SLC30A10: variants seen among roughly 807,000 people sequenced by gnomAD.
The protein encoded by SLC30A10 is calcium/manganese antiporter SLC30A10.
Under a neutral mutation model 21.7 loss-of-function variants are expected in SLC30A10, and 8 were observed. The observed-to-expected ratio is 0.37, with a 90% confidence interval of 0.22 to 0.67. SLC30A10 has a LOEUF of 0.67. Among genes scored for constraint, SLC30A10 ranks in the 30% least tolerant of loss-of-function variants. SLC30A10 has a pLI of 0.58. For synonymous variants in SLC30A10, 272 were observed against 279.4 expected (o/e 0.97, Z 0.26); for missense variants, 521 against 642.5 (o/e 0.81, Z 2.04).
chr1:219,926,953 G>T, intron 2 of SLC30A10, 75 bp downstream of exon 2: 1 of 1,242,852 alleles, frequency 8.0e-7, no homozygotes, highest in Non-Finnish European at 1.2e-6. Flanking sequence ...CTTATTAAAA[G>T]TCAAACAGAA....
chr1:219,941,903 A>G (rs1166250010), intron 1 of SLC30A10, among the ~76,000 whole-genome samples: 1 of 152,146 alleles, frequency 6.6e-6, no homozygotes, highest in Non-Finnish European at 1.5e-5. Flanking sequence ...GCCATAATCG[A>G]TCTCCTGTTG....
chr1:219,932,930 G>A (rs754768827), upstream of SLC30A10, among the ~76,000 whole-genome samples: 10 of 150,366 alleles, frequency 6.7e-5, no homozygotes, highest in African/African-American at 1.5e-4. Flanking sequence ...GCGTGGTGGC[G>A]CACGCCTGTA....
At chr1:219,940,155 C>A (rs986498007) in intron 1 of SLC30A10, among the ~76,000 whole-genome samples, 3 of 152,206 alleles carry the variant, frequency 2.0e-5, no homozygotes, top group Non-Finnish European at 4.4e-5. Context: ...GGAGCTTCTA[C>A]CTTGTTTGAT....
intron 1 of SLC30A10, among the ~76,000 whole-genome samples, chr1:219,934,027 A>T (rs1660007536): frequency 6.6e-6 from 1 of 152,112 alleles, no homozygotes; most frequent in Non-Finnish European, 1.5e-5. Flanking sequence ...GGTGGCTCAC[A>T]TCTGTAATCC....
chr1:219,927,638 T>TAAAAAAAAAAAA (rs77015523), intron 1 of SLC30A10, among the ~76,000 whole-genome samples, 163 bp downstream of exon 1: 2 of 53,404 alleles, frequency 3.7e-5, no homozygotes, highest in Non-Finnish European at 7.4e-5. Flanking sequence ...ATGGATTTAT[T>TAAAAAAAAAAAA]AAAAAAAAAA....
Position 219,928,542 on chromosome 1 carries a change from A to G in SLC30A10, c.-102T>C. The G allele has an allele frequency of 1.8e-6, 2 of 1,096,770 alleles. No homozygotes were observed. Among genetic ancestry groups the G allele is most frequent in the East Asian group, 3.3e-5 (1 of 30,178 alleles). The allele number at this position is 1,096,770 out of a possible 1,614,324, so 67.9% of individuals were successfully genotyped here. A position where few individuals can be genotyped will look rare whatever the true frequency, so the allele number is the denominator to read the frequency against. On this transcript the variant is annotated 5_prime_UTR_variant, in exon 1 of 4. Transcript: ENST00000366926. The surrounding 1 kb of genome is among the most constrained non-coding windows in gnomAD (Gnocchi z 6.3). ...GCGGCGCGGATCCGTGAGGCCCGGT[A>G]CCCGCCTCCCAGATTGTCTCGCCGG...
chr1:219,927,145 T>TAAAA, intron 1 of SLC30A10, 40 bp from the exon 2 acceptor site: 2 of 1,605,692 alleles, frequency 1.2e-6, no homozygotes, highest in African/African-American at 1.3e-5. Context: ...GTATAAGTTC[T>TAAAA]ACAAACAAAC....
intron 1 of SLC30A10, among the ~76,000 whole-genome samples, chr1:219,953,801 G>GGTTC (rs1660306572): frequency 6.6e-6 from 1 of 151,350 alleles, no homozygotes; most frequent in Admixed American, 6.6e-5. Flanking sequence ...CCACCTCCTG[G>GGTTC]GTTCACACCA....
upstream of SLC30A10, among the ~76,000 whole-genome samples, chr1:219,932,800 G>A (rs988046243): frequency 7.1e-6 from 1 of 141,840 alleles, no homozygotes; most frequent in African/African-American, 2.6e-5. Context: ...GGTGGCTCAC[G>A]CCTGTAATCC....
upstream of SLC30A10, among the ~76,000 whole-genome samples, chr1:219,931,738 C>A (rs2102538275): frequency 6.6e-6 from 1 of 152,298 alleles, no homozygotes; most frequent in East Asian, 1.9e-4. Context: ...GCCTTGACCT[C>A]CTAAAGTGCT....
intron 1 of SLC30A10, among the ~76,000 whole-genome samples, chr1:219,948,373 T>C (rs1046558008): frequency 6.6e-6 from 1 of 151,968 alleles, no homozygotes; most frequent in Non-Finnish European, 1.5e-5. Flanking sequence ...ACTACAAGGC[T>C]ACAGTAACCA....
rs1659507044 is a variant in SLC30A10, at chr1:219,915,355, AG to A, written c.*93del. ...CACAGAGCATGCATGCTGCAAGTCT[AG>A]TCTGGGCCTACAACCCAGAAAGCTC... On this transcript the variant is annotated 3_prime_UTR_variant, in exon 4 of 4. Transcript: ENST00000366926. 6.9e-7 allele frequency: 1 copy of A among 1,449,054 alleles called. No individual in the cohort carries two copies. The highest frequency in any genetic ancestry group is 1.4e-5 in the African/African-American group (1 of 70,818). The allele number at this position is 1,449,054 out of a possible 1,614,324, so 89.8% of individuals were successfully genotyped here.
chr1:219,922,971 TCTCAC>T (rs1659732441), intron 2 of SLC30A10, among the ~76,000 whole-genome samples: 1 of 152,146 alleles, frequency 6.6e-6, no homozygotes, highest in African/African-American at 2.4e-5. Flanking sequence ...TGTAAGTGCT[TCTCAC>T]CTCACTACAG....
chr1:219,936,896 G>A (rs1017878198), intron 1 of SLC30A10, among the ~76,000 whole-genome samples: 1 of 152,108 alleles, frequency 6.6e-6, no homozygotes, highest in Non-Finnish European at 1.5e-5. Context: ...TCTGAAAGTG[G>A]CTTAGCCACA....
chr1:219,952,452 C>T (rs1036122158), intron 1 of SLC30A10, among the ~76,000 whole-genome samples: 5 of 152,060 alleles, frequency 3.3e-5, no homozygotes, highest in African/African-American at 1.2e-4. Flanking sequence ...AATAACTTTC[C>T]ACAGTCCATA....
chr1:219,934,590 C>T (rs895435172), intron 1 of SLC30A10, among the ~76,000 whole-genome samples: 1 of 152,100 alleles, frequency 6.6e-6, no homozygotes, highest in African/African-American at 2.4e-5. Context: ...TTATATAACA[C>T]CAGGATGATG....
intron 1 of SLC30A10, among the ~76,000 whole-genome samples, chr1:219,945,373 A>G (rs72740986): frequency 0.16 from 24,105 of 152,232 alleles, 2,369 homozygotes; most frequent in South Asian, 0.23. Flanking sequence ...CAAAGGGTAC[A>G]TGAGACTTCT....
intron 2 of SLC30A10, among the ~76,000 whole-genome samples, chr1:219,922,192 T>TG (rs1659709725): frequency 6.3e-4 from 12 of 19,016 alleles, no homozygotes; most frequent in Admixed American, 5.2e-4. Context: ...TTTTTTTTTT[T>TG]TTTTTTTTTT....
chr1:219,942,452 C>T (rs1399908382), intron 1 of SLC30A10, among the ~76,000 whole-genome samples: 2 of 152,160 alleles, frequency 1.3e-5, no homozygotes, highest in Admixed American at 6.5e-5. Flanking sequence ...ACCCGCTGCC[C>T]CAAAGGCGAC....
Sources: gnomAD v4.1 joint callset for allele counts (sites outside exome capture counted in the v4.1 genomes callset) on GRCh38, gnomAD v4.1.1 for gene constraint, Gnocchi (gnomAD v3.1) non-coding constraint, MANE v1.5 for transcripts, NCBI Gene and HGNC (gene_info 2026-07-23, HGNC 2026-07-21) for gene names.